ITGBL1: variants seen among roughly 807,000 people sequenced by gnomAD.
The protein encoded by ITGBL1 is integrin beta-like protein 1.
In ITGBL1, 51 loss-of-function variants were observed where a neutral mutation model predicts 68.5. The ratio of observed to expected loss-of-function variants is 0.74; its 90% confidence interval spans 0.59 to 0.94. The LOEUF is 0.94. Among genes scored for constraint, ITGBL1 ranks in the 40% least tolerant of loss-of-function variants. ITGBL1 has a pLI of 0.00. For missense variants in ITGBL1, 649 were observed against 647.4 expected, an observed-to-expected ratio of 1.00 and a Z score of -0.03; for synonymous variants, 209 against 227.3, an observed-to-expected ratio of 0.92 and a Z score of 0.72.
intron 2 of ITGBL1, among the ~76,000 whole-genome samples, chr13:101,474,922 A>G (rs981255011): frequency 6.6e-6 from 1 of 152,200 alleles, no homozygotes; most frequent in South Asian, 2.1e-4. Flanking sequence ...TTAGATAACA[A>G]CACTCAATTC....
intron 6 of ITGBL1, among the ~76,000 whole-genome samples, 173 bp downstream of exon 6, chr13:101,583,529 A>G (rs2050500455): frequency 6.6e-6 from 1 of 152,170 alleles, no homozygotes; most frequent in Admixed American, 6.5e-5. Context: ...TAAAGAGTAT[A>G]ATTGGATTGT....
intron 7 of ITGBL1, among the ~76,000 whole-genome samples, chr13:101,679,898 A>C (rs1405967807): frequency 6.6e-6 from 1 of 152,218 alleles, no homozygotes; most frequent in Non-Finnish European, 1.5e-5. Context: ...ATATTAGTAC[A>C]GAATTTGCTT....
intron 7 of ITGBL1, among the ~76,000 whole-genome samples, chr13:101,626,469 C>T (rs530143255): frequency 3.9e-5 from 6 of 152,082 alleles, no homozygotes; most frequent in African/African-American, 7.2e-5. Context: ...TGTGAGTCCC[C>T]GAGAGATAGC....
intron 6 of ITGBL1, among the ~76,000 whole-genome samples, chr13:101,596,809 A>T (rs2029999553): frequency 6.6e-6 from 1 of 152,198 alleles, no homozygotes; most frequent in Non-Finnish European, 1.5e-5. Flanking sequence ...ACTGAAAAAA[A>T]AACTGAAAGG....
At position 101,567,805 on chromosome 13, in the gene ITGBL1, A is replaced by C. The variant is rs1191807745; in HGVS notation, c.423A>C (p.Gln141His). ...NCDLTKKKSN[Q>H]MCKNSQDIIC... is the part of the protein sequence containing the mutation. ...ACTTGACAAAGAAGAAAAGTAACCA[A>C]ATGTGCAAGAATTCACAAGACATCA... The change falls in exon 3 of 11, where the codon CAA becomes CAC. Residue 141 changes from glutamine to histidine, a missense_variant. Physicochemically the swap from Gln to His is conservative, Grantham distance 24. Transcript: ENST00000376180. 1 of 1,613,280 alleles carries C rather than the reference A, an allele frequency of 6.2e-7. No homozygotes were observed.
intron 2 of ITGBL1, among the ~76,000 whole-genome samples, chr13:101,524,725 G>T (rs1024322548): frequency 1.3e-4 from 20 of 150,934 alleles, no homozygotes; most frequent in Non-Finnish European, 2.4e-4. Context: ...TATATCTAGG[G>T]TAGACTATGA....
intron 7 of ITGBL1, among the ~76,000 whole-genome samples, chr13:101,615,933 G>A (rs773963735): frequency 3.3e-5 from 5 of 152,286 alleles, no homozygotes; most frequent in African/African-American, 7.2e-5. Context: ...TGCATCTTCC[G>A]GTGGCTTGAT....
chr13:101,608,835 G>T (rs1452867341), intron 7 of ITGBL1, among the ~76,000 whole-genome samples: 2 of 151,976 alleles, frequency 1.3e-5, no homozygotes, highest in Non-Finnish European at 2.9e-5. Context: ...ATAAATAAAT[G>T]ACCCTGCAAA....
intron 7 of ITGBL1, among the ~76,000 whole-genome samples, chr13:101,602,486 G>C (rs1291856428): frequency 1.3e-5 from 2 of 151,902 alleles, no homozygotes; most frequent in Non-Finnish European, 2.9e-5. Context: ...TACCAATTTT[G>C]TTCAAGAAAG....
At chr13:101,675,123 A>C (rs1173996149) in intron 7 of ITGBL1, among the ~76,000 whole-genome samples, 3 of 152,056 alleles carry the variant, frequency 2.0e-5, no homozygotes, top group Non-Finnish European at 4.4e-5. Context: ...TTTCATCATC[A>C]TCTGGTTTGG....
chr13:101,714,556 A>C lies in ITGBL1; in HGVS notation c.1393+5A>C. The C allele has an allele frequency of 6.6e-7, 1 of 1,518,326 alleles. No homozygotes were observed. Among genetic ancestry groups the C allele is most frequent in the Non-Finnish European group, 9.1e-7 (1 of 1,093,062 alleles). 94.1% of individuals were successfully genotyped at this position (1,518,326 alleles called of 1,614,324 possible). On this transcript the variant is annotated splice_donor_5th_base_variant and intron_variant, in intron 10 of 10. Coordinates refer to ENST00000376180, the MANE Select transcript of ITGBL1 (RefSeq NM_004791.3). ...ATGATGGTCTCATTTGTACAGGTGCAGTATTAACCTTTTCTAATTGCTCTA... is the reference window on the plus strand; with the variant it reads ...ATGATGGTCTCATTTGTACAGGTGCCGTATTAACCTTTTCTAATTGCTCTA...
chr13:101,490,449 A>C (rs961599732), intron 2 of ITGBL1, among the ~76,000 whole-genome samples: 4 of 152,352 alleles, frequency 2.6e-5, no homozygotes, highest in Middle Eastern at 3.4e-3. Context: ...AGTCCTCTTA[A>C]GGAATAAAGA....
chr13:101,653,323 T>G (rs1027636559), intron 7 of ITGBL1, among the ~76,000 whole-genome samples: 14 of 152,162 alleles, frequency 9.2e-5, no homozygotes, highest in Middle Eastern at 3.2e-3. Context: ...TAAGAGATAC[T>G]TCTGAATTTA....
At chr13:101,573,212 A>G (rs758945833) in intron 3 of ITGBL1, among the ~76,000 whole-genome samples, 6 of 152,184 alleles carry the variant, frequency 3.9e-5, no homozygotes, top group Non-Finnish European at 8.8e-5. Context: ...CAAAAACTAG[A>G]TGAAGCAATA....
chr13:101,473,683 G>A (rs914874224), intron 2 of ITGBL1, among the ~76,000 whole-genome samples: 2 of 152,212 alleles, frequency 1.3e-5, no homozygotes. Flanking sequence ...GGGCAGCCAA[G>A]GGAGTGTGTG....
chr13:101,553,325 A>G (rs1328748008), intron 2 of ITGBL1, among the ~76,000 whole-genome samples: 1 of 152,136 alleles, frequency 6.6e-6, no homozygotes, highest in East Asian at 1.9e-4. Flanking sequence ...AGATTTAATT[A>G]TTTCTCCCAA....
intron 2 of ITGBL1, among the ~76,000 whole-genome samples, chr13:101,485,686 G>A (rs2048692362): frequency 6.6e-6 from 1 of 152,116 alleles, no homozygotes. Context: ...CAGCTGCTTG[G>A]GAGGCTGAGG....
intron 2 of ITGBL1, among the ~76,000 whole-genome samples, chr13:101,553,028 G>T (rs2049946228): frequency 6.6e-6 from 1 of 152,238 alleles, no homozygotes; most frequent in African/African-American, 2.4e-5. Context: ...GGAGAGGACT[G>T]ACATTTTTTT....
intron 7 of ITGBL1, among the ~76,000 whole-genome samples, chr13:101,607,952 A>G (rs1400166849): frequency 2.0e-5 from 3 of 152,036 alleles, no homozygotes; most frequent in Non-Finnish European, 2.9e-5. Flanking sequence ...TGATACTGCA[A>G]TCCCATGTGC....
Sources: gnomAD v4.1 joint callset for allele counts (sites outside exome capture counted in the v4.1 genomes callset) on GRCh38, gnomAD v4.1.1 for gene constraint, MANE v1.5 for transcripts, NCBI Gene and HGNC (gene_info 2026-07-23, HGNC 2026-07-21) for gene names.